Variants in SYNDIG1 observed in about 807,000 individuals in gnomAD.
SYNDIG1 encodes the protein synapse differentiation-inducing gene protein 1.
A neutral mutation model predicts 19.4 loss-of-function variants in SYNDIG1; 9 were observed. The ratio of observed to expected loss-of-function variants is 0.46; its 90% CI spans 0.28 to 0.81. The LOEUF (loss-of-function observed/expected upper bound fraction) is 0.81, where lower values mean the gene tolerates loss of function less well. SYNDIG1 is among the 30% of genes least tolerant of loss of function. SYNDIG1 has a pLI of 0.12. For missense variants in SYNDIG1, 311 were observed against 343.3 expected, an observed-to-expected ratio of 0.91 and a Z score of 0.74; for synonymous variants, 141 against 145.9, an observed-to-expected ratio of 0.97 and a Z score of 0.24.
At chr20:24,506,877 G>T (rs1328536997) in intron 1 of SYNDIG1, among the ~76,000 whole-genome samples, 2 of 152,206 alleles carry the variant, frequency 1.3e-5, no homozygotes. Flanking sequence ...CACAGGCAGA[G>T]AAGCTGGGCA....
intron 3 of SYNDIG1, among the ~76,000 whole-genome samples, chr20:24,592,816 T>A (rs1480378525): frequency 6.6e-6 from 1 of 152,122 alleles, no homozygotes; most frequent in Non-Finnish European, 1.5e-5. Flanking sequence ...TCTCTCTTTG[T>A]TTTCCAGGCT....
Position 24,629,009 on chromosome 20 carries a change from A to AGC in SYNDIG1, c.619-36337_619-36336insGC, listed in dbSNP as rs1568699953. Among the ~76,000 whole-genome samples, 63 of 152,220 alleles carry AGC rather than the reference A, an allele frequency of 4.1e-4. 1 individual carries two copies. The highest frequency in any genetic ancestry group is 1.5e-3 in the African/African-American group (62 of 41,530). ...GGGCATAGTGATCCTCATGAGAAAG[A>AGC]CAGCCACAGCTACTCTGTATCTGTC... On this transcript the variant is annotated intron_variant, in intron 3 of 3. Coordinates refer to ENST00000376862, the MANE Select transcript of SYNDIG1 (RefSeq NM_024893.3).
chr20:24,519,609 A>G (rs1943590613), intron 1 of SYNDIG1, among the ~76,000 whole-genome samples: 1 of 152,184 alleles, frequency 6.6e-6, no homozygotes, highest in Non-Finnish European at 1.5e-5. Flanking sequence ...CTTCCACAAA[A>G]TGGATCCTGG....
intron 1 of SYNDIG1, among the ~76,000 whole-genome samples, chr20:24,537,687 C>T (rs1295235386): frequency 6.6e-6 from 1 of 152,162 alleles, no homozygotes; most frequent in East Asian, 1.9e-4. Flanking sequence ...TCGGGGATCC[C>T]TGCTGTCCCA....
chr20:24,659,603 T>A (rs1350086631), intron 3 of SYNDIG1, among the ~76,000 whole-genome samples: 2 of 152,122 alleles, frequency 1.3e-5, no homozygotes, highest in Non-Finnish European at 1.5e-5. Flanking sequence ...GGAAGATGAA[T>A]AGTGTTAAAA....
intron 3 of SYNDIG1, among the ~76,000 whole-genome samples, chr20:24,657,735 T>A (rs2059542450): frequency 1.3e-5 from 2 of 152,326 alleles, no homozygotes; most frequent in South Asian, 4.1e-4. Flanking sequence ...CTTCTCTTAC[T>A]ATCATTAAGA....
chr20:24,507,190 A>G (rs1980825), intron 1 of SYNDIG1, among the ~76,000 whole-genome samples: 112,851 of 151,616 alleles, frequency 0.74, 42,278 homozygotes, highest in African/African-American at 0.84. Context: ...ACCTCTGTCC[A>G]TTAAGGCTGC....
In SYNDIG1 at chr20:24,658,544, T is replaced by G. The variant is rs1269915496; in HGVS notation, c.619-6802T>G. Among the ~76,000 whole-genome samples the G allele has an allele frequency of 6.6e-6, 1 of 151,976 alleles. No individual in the cohort carries two copies. The highest frequency in any genetic ancestry group is 1.5e-5 in the Non-Finnish European group (1 of 67,974). On this transcript the variant is annotated intron_variant, in intron 3 of 3. Coordinates refer to ENST00000376862, the MANE Select transcript of SYNDIG1 (RefSeq NM_024893.3). The surrounding 1 kb of genome is among the most constrained non-coding windows in gnomAD (Gnocchi z 4.4). ...GGCTTCCCCCTCCCACGGTCACCCCTGTGTCCTTCATCTTGCAGCCGTTTC... is the reference window on the plus strand; with the variant it reads ...GGCTTCCCCCTCCCACGGTCACCCCGGTGTCCTTCATCTTGCAGCCGTTTC...
At chr20:24,641,907 T>G (rs758835106) in intron 3 of SYNDIG1, among the ~76,000 whole-genome samples, 5 of 152,258 alleles carry the variant, frequency 3.3e-5, no homozygotes, top group African/African-American at 4.8e-5. Context: ...ATCCCTTAAC[T>G]GGTTTCTCCT....
intron 1 of SYNDIG1, among the ~76,000 whole-genome samples, chr20:24,503,626 CT>C (rs1284876153): frequency 6.6e-6 from 1 of 151,798 alleles, no homozygotes; most frequent in Non-Finnish European, 1.5e-5. Flanking sequence ...CCCTCTGACC[CT>C]TTGCTAGCTT....
At chr20:24,556,945 A>G (rs2057833384) in intron 2 of SYNDIG1, among the ~76,000 whole-genome samples, 2 of 152,240 alleles carry the variant, frequency 1.3e-5, no homozygotes, top group South Asian at 2.1e-4. Flanking sequence ...AGGTACACCA[A>G]TCCGATGTAG....
chr20:24,612,925 AG>A (rs1568684765), intron 3 of SYNDIG1, among the ~76,000 whole-genome samples: 1 of 152,238 alleles, frequency 6.6e-6, no homozygotes, highest in Non-Finnish European at 1.5e-5. Flanking sequence ...TCCATGTGCC[AG>A]GCACCATGTT....
In SYNDIG1 at chr20:24,610,192, G is replaced by A. The variant is rs748033903; in HGVS notation, c.618+25199G>A. 3.3e-5 allele frequency among the ~76,000 whole-genome samples: 5 copies of A among 152,162 alleles called. No homozygotes were observed. In the East Asian group the frequency reaches 7.7e-4, roughly 23 times the overall value. Reference sequence around the variant, plus strand: ...GACTGACACTGGTGGGTGGAGAGACGGGGTATCTTGAGGCTCTCCAAGCTC... The same window carrying A: ...GACTGACACTGGTGGGTGGAGAGACAGGGTATCTTGAGGCTCTCCAAGCTC... On this transcript the variant is annotated intron_variant, in intron 3 of 3. Coordinates refer to ENST00000376862, the MANE Select transcript of SYNDIG1 (RefSeq NM_024893.3).
At chr20:24,626,654 C>T (rs1294515826) in intron 3 of SYNDIG1, among the ~76,000 whole-genome samples, 117 of 152,304 alleles carry the variant, frequency 7.7e-4, no homozygotes, top group African/African-American at 2.6e-3. Context: ...CAGAGACGCT[C>T]CTCACTTCCC....
intron 2 of SYNDIG1, among the ~76,000 whole-genome samples, chr20:24,582,880 G>T (rs1223281614): frequency 6.6e-6 from 1 of 152,212 alleles, no homozygotes; most frequent in Non-Finnish European, 1.5e-5. Context: ...CAGCAGGAGG[G>T]GCGAGGCCAG....
intron 3 of SYNDIG1, among the ~76,000 whole-genome samples, chr20:24,585,241 A>G (rs561966331): frequency 5.6e-4 from 86 of 152,262 alleles, no homozygotes; most frequent in Admixed American, 3.7e-3. Flanking sequence ...CGTTCCGAAG[A>G]GGCTTTGGAA....
chr20:24,558,437 A>G (rs2057870226), intron 2 of SYNDIG1, among the ~76,000 whole-genome samples: 1 of 152,160 alleles, frequency 6.6e-6, no homozygotes, highest in African/African-American at 2.4e-5. Context: ...ATTTTTGTAA[A>G]TAGAAGGGAC....
intron 1 of SYNDIG1, among the ~76,000 whole-genome samples, chr20:24,527,783 C>G (rs1409050772): frequency 6.6e-6 from 1 of 152,188 alleles, no homozygotes; most frequent in Non-Finnish European, 1.5e-5. Flanking sequence ...GCAGCGTCAC[C>G]TATGAGCTTC....
chr20:24,568,618 G>A (rs2058092088), intron 2 of SYNDIG1, among the ~76,000 whole-genome samples: 1 of 152,198 alleles, frequency 6.6e-6, no homozygotes, highest in Non-Finnish European at 1.5e-5. Flanking sequence ...GAGAGGTATG[G>A]CGCACATTGT....
Sources: allele counts gnomAD v4.1 joint callset (sites outside exome capture counted in the v4.1 genomes callset), GRCh38; gene constraint gnomAD v4.1.1; non-coding constraint Gnocchi (gnomAD v3.1); transcripts MANE v1.5; gene names NCBI Gene and HGNC (gene_info 2026-07-23, HGNC 2026-07-21).